ZNF638: variants seen among roughly 807,000 people sequenced by gnomAD.
ZNF638 encodes zinc finger protein 638, also known as CTCL tumor antigen se33-1.
A neutral mutation model predicts 195.6 loss-of-function variants in ZNF638; 46 were observed. The observed-to-expected ratio is 0.24, with a 90% CI of 0.19 to 0.30. The LOEUF (loss-of-function observed/expected upper bound fraction) is 0.30, where lower values mean the gene tolerates loss of function less well. ZNF638 is among the 10% of genes least tolerant of loss of function. The pLI is 1.00. For synonymous variants in ZNF638, 845 were observed against 772.0 expected, an observed-to-expected ratio of 1.09 and a Z score of -1.57; for missense variants, 2,440 against 2,325.3, an observed-to-expected ratio of 1.05 and a Z score of -1.01.
At chr2:71,431,621 G>A (rs199887385) in intron 26 of ZNF638, among the ~76,000 whole-genome samples, 193 bp downstream of exon 26, 21 of 152,264 alleles carry the variant, frequency 1.4e-4, no homozygotes, top group East Asian at 5.8e-4. Flanking sequence ...TTAGCCGGAC[G>A]TGGTGGCGGG....
chr2:71,367,033 TTCAG>T (rs1302214639), intron 6 of ZNF638, among the ~76,000 whole-genome samples: 1 of 152,078 alleles, frequency 6.6e-6, no homozygotes, highest in Admixed American at 6.5e-5. Context: ...ATGAAAGACT[TTCAG>T]TAAGTGCTGT....
At chr2:71,375,456 T>A (rs2079403613) in intron 8 of ZNF638, 1 of 152,208 alleles carries the variant, frequency 6.6e-6, no homozygotes, top group South Asian at 2.1e-4. Flanking sequence ...GCATCTTTTC[T>A]ATCTTCGAGA....
intron 10 of ZNF638, among the ~76,000 whole-genome samples, chr2:71,389,775 C>T (rs1452389813): frequency 6.6e-6 from 1 of 152,160 alleles, no homozygotes; most frequent in African/African-American, 2.4e-5. Flanking sequence ...AATCGGTTAA[C>T]CCAGGCAATT....
rs150135565 is a variant in ZNF638 at position 71,398,710 on chromosome 2, C to G, written c.2438C>G (p.Ala813Gly). 4.8e-5 allele frequency: 78 copies of G among 1,613,094 alleles called. No individual in the cohort carries two copies. The highest frequency in any genetic ancestry group is 6.5e-5 in the Non-Finnish European group (77 of 1,179,386). The change falls in exon 12 of 28, where the codon GCA (alanine) becomes GGA (glycine). Residue 813 changes from alanine (A) to glycine (G), a missense_variant. Ala to Gly is a moderately conservative substitution (Grantham distance 60, BLOSUM62 0). Transcript: ENST00000264447. ...ATCTTTTGTGATTTAGGGAAATCAG[C>G]AAGTTCTGTAAAATCTGTGGTAACG... ...AKVNKSTGKS[A>G]SSVKSVVTVA...
intron 27 of ZNF638, among the ~76,000 whole-genome samples, chr2:71,433,922 G>T (rs956798711): frequency 6.6e-6 from 1 of 152,146 alleles, no homozygotes; most frequent in African/African-American, 2.4e-5. Flanking sequence ...GACTTAAGGA[G>T]GTTACGTATC....
intron 8 of ZNF638, among the ~76,000 whole-genome samples, chr2:71,374,310 A>G (rs1244349191): frequency 1.3e-5 from 2 of 152,204 alleles, no homozygotes; most frequent in Non-Finnish European, 2.9e-5. Flanking sequence ...AGCTTCTTTT[A>G]TGTGTATAAA....
chr2:71,339,553 A>G (rs1161584119), intron 1 of ZNF638, among the ~76,000 whole-genome samples: 1 of 152,244 alleles, frequency 6.6e-6, no homozygotes, highest in Non-Finnish European at 1.5e-5. Flanking sequence ...ACCAAATGGC[A>G]GAGAGGGCAA....
intron 18 of ZNF638, 131 bp downstream of exon 18, chr2:71,405,773 G>C: frequency 1.5e-6 from 1 of 689,560 alleles, no homozygotes; most frequent in East Asian, 2.9e-5. Flanking sequence ...ATGTCAGATG[G>C]GTCTTCTTGG....
At chr2:71,389,247 T>C (rs1244915875) in intron 10 of ZNF638, among the ~76,000 whole-genome samples, 1 of 152,190 alleles carries the variant, frequency 6.6e-6, no homozygotes, top group Admixed American at 6.5e-5. Context: ...TGTGGGACCC[T>C]GTCTTAGGCA....
intron 2 of ZNF638, among the ~76,000 whole-genome samples, chr2:71,353,340 T>G (rs2104204065): frequency 6.6e-6 from 1 of 152,318 alleles, no homozygotes; most frequent in South Asian, 2.1e-4. Flanking sequence ...TTTGAGAAAG[T>G]ACCGACAATA....
intron 1 of ZNF638, 28 bp downstream of exon 1, chr2:71,331,903 G>C: frequency 1.0e-6 from 1 of 986,482 alleles, no homozygotes; most frequent in East Asian, 1.1e-4. Context: ...TGGGGAGTAG[G>C]GGGTTGGAAG....
rs2080501269 is a variant in ZNF638, at chr2:71,424,684, G to T, written c.4559G>T (p.Ser1520Ile). Residue 1520 changes from serine to isoleucine, a missense_variant, in exon 23 of 28, where the codon AGC becomes ATC. Physicochemically the swap from Ser to Ile is moderately radical, Grantham distance 142. Transcript: ENST00000264447. ...GAGCAAAACACTAAGAATCCTAAAA[G>T]CACTACTGGTAGAAGTTCCAAATCT... ...LAEQNTKNPK[S>I]TTGRSSKSKE... The T allele has an allele frequency of 6.2e-7, 1 of 1,612,916 alleles. No individual in the cohort carries two copies. The highest frequency in any genetic ancestry group is 8.5e-7 in the Non-Finnish European group (1 of 1,179,614).
At chr2:71,429,220 T>C (rs1020288992) in intron 25 of ZNF638, among the ~76,000 whole-genome samples, 1 of 152,232 alleles carries the variant, frequency 6.6e-6, no homozygotes, top group Admixed American at 6.5e-5. Context: ...AATAGAGCAC[T>C]GTAAGGGTAT....
At chr2:71,405,336 T>C (rs1005370116) in intron 17 of ZNF638, among the ~76,000 whole-genome samples, 1 of 152,238 alleles carries the variant, frequency 6.6e-6, no homozygotes, top group African/African-American at 2.4e-5. Context: ...TTCTGTGAAT[T>C]TGAATGTCTT....
chr2:71,434,920 A>G lies in ZNF638; in HGVS notation c.*113A>G, dbSNP rs981419890. 2.2e-6 allele frequency: 2 copies of G among 903,912 alleles called. No individual in the cohort carries two copies. Among genetic ancestry groups the G allele is most frequent in the South Asian group, 1.9e-5 (1 of 53,980 alleles). 56.0% of individuals were successfully genotyped at this position (903,912 alleles called of 1,614,324 possible). A position where few individuals can be genotyped will look rare whatever the true frequency, so the allele number is the denominator to read the frequency against. On this transcript the variant is annotated 3_prime_UTR_variant, in exon 28 of 28. Transcript: ENST00000264447. ...TTTCAGAAGCAAATATTCGTGTTGT[A>G]CAAATTTCTGATTGCCCTAAATGTA...
At position 71,336,754 on chromosome 2, in the gene ZNF638, G is replaced by A. The variant is rs577303393; in HGVS notation, c.-203+4879G>A. ...TTATTTCACAGGATGAAATAGGCTT[G>A]GATTAACCAGCTTGCTCAGGGTAAC... On this transcript the variant is annotated intron_variant, in intron 1 of 27. Transcript: ENST00000264447. Among the ~76,000 whole-genome samples the A allele has an allele frequency of 6.6e-5, 10 of 152,262 alleles. No individual in the cohort carries two copies. In the South Asian group the frequency reaches 2.1e-3, roughly 32 times the overall value.
In ZNF638 at chr2:71,350,092, C is replaced by T. The variant is rs1465861814; in HGVS notation, c.1138C>T (p.Pro380Ser). ...GAATTACCAGTCACAGGCTGACATT[C>T]CCATTCGGTCTCCCTTTGGTATTGT... is the stretch of plus-strand genomic sequence containing the variant. ...KKNYQSQADI[P>S]IRSPFGIVKA... Residue 380 changes from proline (P) to serine (S), a missense_variant, in exon 2 of 28, where the codon CCC becomes TCC. Transcript: ENST00000264447. 6.2e-7 allele frequency: 1 copy of T among 1,614,008 alleles called. No homozygotes were observed. The highest frequency in any genetic ancestry group is 8.5e-7 in the Non-Finnish European group (1 of 1,180,042).
intron 10 of ZNF638, among the ~76,000 whole-genome samples, chr2:71,386,459 C>A (rs1452186607): frequency 6.6e-6 from 1 of 152,052 alleles, no homozygotes; most frequent in Non-Finnish European, 1.5e-5. Flanking sequence ...GGGAACTAAA[C>A]TGAGAATATG....
chr2:71,404,113 A>T (rs1470783442), intron 17 of ZNF638, 115 bp downstream of exon 17: 1 of 1,067,002 alleles, frequency 9.4e-7, no homozygotes, highest in African/African-American at 1.6e-5. Context: ...ACAGACACTG[A>T]GAAAGCTTCT....
Sources: allele counts gnomAD v4.1 joint callset (sites outside exome capture counted in the v4.1 genomes callset), GRCh38; gene constraint gnomAD v4.1.1; transcripts MANE v1.5; gene names NCBI Gene and HGNC (gene_info 2026-07-23, HGNC 2026-07-21).